The following SPATA17 variants were observed in gnomAD, a reference collection of about 807,000 sequenced individuals.
The protein encoded by SPATA17 is spermatogenesis associated 17.
SPATA17 carries 53 observed loss-of-function variants against 62.2 expected under a neutral mutation model. That is an observed-to-expected ratio of 0.85 (90% confidence interval 0.68 to 1.07). SPATA17 has a LOEUF of 1.07. Ranked by LOEUF, SPATA17 falls within the 50% of genes least tolerant of loss-of-function variation. SPATA17 has a pLI of 0.00. For missense variants in SPATA17, 466 were observed against 425.5 expected (o/e 1.10, Z -0.84); for synonymous variants, 146 against 146.8 (o/e 0.99, Z 0.04).
intron 8 of SPATA17, among the ~76,000 whole-genome samples, chr1:217,788,596 T>A (rs1044902496): frequency 6.6e-6 from 1 of 151,830 alleles, no homozygotes; most frequent in Non-Finnish European, 1.5e-5. Context: ...GAGGTCAGAG[T>A]GATGCAATGT....
chr1:217,739,938 T>C (rs1385535582), intron 5 of SPATA17, among the ~76,000 whole-genome samples: 1 of 152,082 alleles, frequency 6.6e-6, no homozygotes, highest in African/African-American at 2.4e-5. Flanking sequence ...GTTTCCTAAG[T>C]GTTTTCTTTA....
At chr1:217,667,862 G>C (rs555261588) in intron 3 of SPATA17, among the ~76,000 whole-genome samples, 134 of 152,154 alleles carry the variant, frequency 8.8e-4, no homozygotes, top group Non-Finnish European at 1.5e-3. Flanking sequence ...AATTTAAAAT[G>C]AAGAAATGTT....
chr1:217,859,434 G>A (rs775731706), intron 9 of SPATA17, among the ~76,000 whole-genome samples: 3 of 151,488 alleles, frequency 2.0e-5, no homozygotes, highest in Non-Finnish European at 2.9e-5. Context: ...GGAATATTAC[G>A]AGGAACTCTG....
chr1:217,782,571 A>C (rs973568006), intron 8 of SPATA17, among the ~76,000 whole-genome samples: 1 of 152,140 alleles, frequency 6.6e-6, no homozygotes, highest in African/African-American at 2.4e-5. Flanking sequence ...AATGATCACT[A>C]TCTATGTATC....
chr1:217,788,108 G>A (rs147734707), intron 8 of SPATA17, among the ~76,000 whole-genome samples: 228 of 152,128 alleles, frequency 1.5e-3, no homozygotes, highest in African/African-American at 4.9e-3. Context: ...GAATGGAGTC[G>A]ACAATCATAA....
intron 9 of SPATA17, among the ~76,000 whole-genome samples, chr1:217,821,437 G>A (rs1265130930): frequency 1.3e-5 from 2 of 152,014 alleles, no homozygotes; most frequent in African/African-American, 2.4e-5. Context: ...GGAGTGATGA[G>A]CCATGTTAAA....
intron 5 of SPATA17, among the ~76,000 whole-genome samples, chr1:217,711,067 A>G (rs1259794210): frequency 1.3e-5 from 2 of 152,324 alleles, no homozygotes; most frequent in East Asian, 3.9e-4. Context: ...TAATCAGCTG[A>G]TGGACATTTG....
intron 9 of SPATA17, among the ~76,000 whole-genome samples, chr1:217,835,009 C>T (rs1447704300): frequency 2.0e-5 from 3 of 152,100 alleles, no homozygotes; most frequent in Non-Finnish European, 4.4e-5. Flanking sequence ...CAGGAACATG[C>T]CATACAGGTA....
chr1:217,736,703 G>A (rs765423359), intron 5 of SPATA17, among the ~76,000 whole-genome samples: 15 of 152,174 alleles, frequency 9.9e-5, no homozygotes, highest in Non-Finnish European at 2.9e-5. Context: ...TTGTAGGTTT[G>A]TATTGTGTGT....
chr1:217,762,676 A>C (rs1225594359), intron 6 of SPATA17, among the ~76,000 whole-genome samples: 1 of 152,196 alleles, frequency 6.6e-6, no homozygotes, highest in Non-Finnish European at 1.5e-5. Context: ...GCTTTAAAAA[A>C]CAAAACTAAA....
chr1:217,776,676 T>TAAA (rs59177848), intron 7 of SPATA17, among the ~76,000 whole-genome samples: 5 of 119,118 alleles, frequency 4.2e-5, no homozygotes, highest in East Asian at 2.3e-4. Context: ...CTGTCTCTAT[T>TAAA]AAAAAAAAAA....
At chr1:217,764,369 G>A (rs186872417) in intron 6 of SPATA17, among the ~76,000 whole-genome samples, 1 of 152,106 alleles carries the variant, frequency 6.6e-6, no homozygotes, top group Non-Finnish European at 1.5e-5. Flanking sequence ...CTTTCACTTA[G>A]TAATATGCAT....
At chr1:217,739,068 C>T (rs1363596428) in intron 5 of SPATA17, among the ~76,000 whole-genome samples, 2 of 152,108 alleles carry the variant, frequency 1.3e-5, no homozygotes, top group Non-Finnish European at 2.9e-5. Flanking sequence ...TTTATTATCC[C>T]TATGAATATC....
chr1:217,708,150 A>C (rs1671778569), intron 5 of SPATA17, among the ~76,000 whole-genome samples: 1 of 152,196 alleles, frequency 6.6e-6, no homozygotes, highest in African/African-American at 2.4e-5. Context: ...GAGGAACTAG[A>C]GAAACAAGAA....
chr1:217,746,491 C>CA (rs1176273603), intron 6 of SPATA17, among the ~76,000 whole-genome samples: 1 of 151,288 alleles, frequency 6.6e-6, no homozygotes, highest in Non-Finnish European at 1.5e-5. Context: ...GACAGTGCTT[C>CA]AAAAAAGATA....
chr1:217,637,789 C>G (rs925824951), intron 1 of SPATA17, among the ~76,000 whole-genome samples: 1 of 152,026 alleles, frequency 6.6e-6, no homozygotes, highest in African/African-American at 2.4e-5. Flanking sequence ...CAATTCTGAC[C>G]AATAAAACTT....
chr1:217,773,145 G>C (rs1386661483), intron 6 of SPATA17, among the ~76,000 whole-genome samples: 1 of 152,138 alleles, frequency 6.6e-6, no homozygotes, highest in Non-Finnish European at 1.5e-5. Context: ...TTATTGCTGA[G>C]TTAGGCTGGA....
chr1:217,850,912 G>A lies in SPATA17; in HGVS notation c.1006-11862G>A, dbSNP rs1319890057. On this transcript the variant is annotated intron_variant, in intron 9 of 10. Coordinates refer to ENST00000366933, the MANE Select transcript of SPATA17 (RefSeq NM_138796.4). Reference sequence around the variant, plus strand: ...AACAAAAAAAATATAAAAGGACTGTGAGAAAGGTATGATTATGCACCATAG... The same window carrying A: ...AACAAAAAAAATATAAAAGGACTGTAAGAAAGGTATGATTATGCACCATAG... Among the ~76,000 whole-genome samples the A allele has an allele frequency of 1.3e-5, 2 of 152,086 alleles. 1 individual carries two copies.
At position 217,829,431 on chromosome 1, in the gene SPATA17, C is replaced by A. The variant is rs143807016; in HGVS notation, c.1005+27581C>A. 7.0e-3 allele frequency among the ~76,000 whole-genome samples: 1,060 copies of A among 151,546 alleles called. 15 individuals carry two copies. The highest frequency in any genetic ancestry group is 0.024 in the African/African-American group (1,005 of 41,300). On this transcript the variant is annotated intron_variant, in intron 9 of 10. Coordinates refer to ENST00000366933, the MANE Select transcript of SPATA17 (RefSeq NM_138796.4). ...TCATCTGAGGTCAGGAGTTCAAGAC[C>A]AGCCTGGCCAAAATGGTGAAACCCC... is the stretch of plus-strand genomic sequence containing the variant.
Sources: allele counts gnomAD v4.1 joint callset (sites outside exome capture counted in the v4.1 genomes callset), GRCh38; gene constraint gnomAD v4.1.1; transcripts MANE v1.5; gene names NCBI Gene and HGNC (gene_info 2026-07-23, HGNC 2026-07-21).